The following ZNF391 variants were observed in gnomAD, a reference collection of about 807,000 sequenced individuals.
ZNF391 encodes the protein zinc finger protein 391.
For synonymous variants in ZNF391, 126 were observed against 142.1 expected (o/e 0.89, Z 0.80); for missense variants, 375 against 425.5 (o/e 0.88, Z 1.04).
In ZNF391 at chr6:27,389,063, C is replaced by T. The variant is rs1411253202; in HGVS notation, c.-200C>T. ...CGGCCGGTGAGTGAGGCTTACAGGG[C>T]CCCGGGACCAAGGTGGGTGCTCTTA... is the stretch of plus-strand genomic sequence containing the variant. On this transcript the variant is annotated 5_prime_UTR_variant, in exon 1 of 3. Transcript: ENST00000244576. The T allele has an allele frequency of 2.2e-6, 1 of 456,298 alleles. No individual in the cohort carries two copies. The highest frequency in any genetic ancestry group is 4.4e-6 in the Non-Finnish European group (1 of 226,812). 28.3% of individuals were successfully genotyped at this position (456,298 alleles called of 1,614,324 possible).
At chr6:27,380,429 C>T (rs1186585978) in intron 1 of ZNF391, among the ~76,000 whole-genome samples, 2 of 152,152 alleles carry the variant, frequency 1.3e-5, no homozygotes, top group Non-Finnish European at 2.9e-5. Flanking sequence ...TTCGTGGTCT[C>T]GCTGGCTTCA....
chr6:27,391,696 A>G (rs976311556), intron 1 of ZNF391, among the ~76,000 whole-genome samples: 2 of 152,214 alleles, frequency 1.3e-5, no homozygotes, highest in African/African-American at 4.8e-5. Flanking sequence ...GTGTTTCATC[A>G]TACCAACCAG....
At chr6:27,399,033 G>A (rs9468116) in intron 1 of ZNF391, among the ~76,000 whole-genome samples, 108,075 of 151,802 alleles carry the variant, frequency 0.71, 38,668 homozygotes, top group Middle Eastern at 0.82. Flanking sequence ...TTAGGGGTCA[G>A]AAGATAGTCC....
At chr6:27,400,232 T>C (rs753836226) in intron 2 of ZNF391, 61 bp from the exon 3 acceptor site, 43 of 681,714 alleles carry the variant, frequency 6.3e-5, no homozygotes, top group Non-Finnish European at 9.9e-5. Context: ...TCTCTGCTGG[T>C]TTATTTTCTT....
At chr6:27,390,589 G>T (rs1272627219) in intron 1 of ZNF391, among the ~76,000 whole-genome samples, 3 of 152,082 alleles carry the variant, frequency 2.0e-5, no homozygotes, top group African/African-American at 4.8e-5. Flanking sequence ...TGTCACATCC[G>T]CTAGACTTCC....
At chr6:27,375,855 T>C (rs1467661756) in intron 1 of ZNF391, among the ~76,000 whole-genome samples, 1 of 152,150 alleles carries the variant, frequency 6.6e-6, no homozygotes. Context: ...AGGGATTTAT[T>C]GAAAGTGAAA....
At chr6:27,387,170 T>C (rs6935116), upstream of ZNF391, among the ~76,000 whole-genome samples, 106,998 of 151,890 alleles carry the variant, frequency 0.7, 37,932 homozygotes, top group Middle Eastern at 0.8. Flanking sequence ...ATTATGATGG[T>C]TATAATACTA....
chr6:27,397,922 G>A (rs1163033467), intron 1 of ZNF391, among the ~76,000 whole-genome samples: 26 of 152,258 alleles, frequency 1.7e-4, no homozygotes, highest in Admixed American at 1.6e-3. Flanking sequence ...GAGCCACTGC[G>A]CCCTCCAGCA....
chr6:27,400,009 G>A (rs1761912258), intron 2 of ZNF391, among the ~76,000 whole-genome samples: 2 of 151,908 alleles, frequency 1.3e-5, no homozygotes, highest in South Asian at 4.2e-4. Context: ...CCAACTCTCT[G>A]TCATCAGCTG....
rs1005240689 is a variant in ZNF391, at chr6:27,381,160, G to A, written n.523+6023G>A. 2.0e-5 allele frequency among the ~76,000 whole-genome samples: 3 copies of A among 152,254 alleles called. No individual in the cohort carries two copies. In the East Asian group the frequency reaches 5.8e-4, roughly 29 times the overall value. Reference sequence around the variant, plus strand: ...GGCTTGGGCCGCACAGGAGCCCACGGAGGGGGTGGGAGGCTCAGGCATGGT... The same window carrying A: ...GGCTTGGGCCGCACAGGAGCCCACGAAGGGGGTGGGAGGCTCAGGCATGGT... On this transcript the variant is annotated intron_variant and non_coding_transcript_variant, in intron 1 of 2. Coordinates refer to the ZNF391 transcript ENST00000477999.
chr6:27,389,413 G>A, intron 1 of ZNF391: 1 of 456,364 alleles, frequency 2.2e-6, no homozygotes, highest in Non-Finnish European at 4.4e-6. Context: ...TGCTCCAAGA[G>A]TTTTTACCTG....
At chr6:27,379,648 G>A (rs544723759) in intron 1 of ZNF391, among the ~76,000 whole-genome samples, 1 of 152,164 alleles carries the variant, frequency 6.6e-6, no homozygotes, top group Admixed American at 6.5e-5. Context: ...TTACCTCCAG[G>A]AATTCAGCAA....
Position 27,400,603 on chromosome 6 carries a change from C to T in ZNF391, c.233C>T (p.Pro78Leu). 6.2e-7 allele frequency: 1 copy of T among 1,614,156 alleles called. No homozygotes were observed. Among genetic ancestry groups the T allele is most frequent in the Non-Finnish European group, 8.5e-7 (1 of 1,180,030 alleles). Residue 78 changes from proline (P) to leucine (L), a missense_variant, in exon 3 of 3, where the codon CCA (proline) becomes CTA (leucine). By Grantham distance (98) the Pro-to-Leu change is moderately conservative. Transcript: ENST00000244576. The stretch of plus-strand genomic sequence containing the variant: ...AACCTTGACGCACAACAGAAAATTC[C>T]AAAGGGACATGGATCCCCAATATCT... The part of the protein sequence containing the change: ...SPNLDAQQKI[P>L]KGHGSPISRK...
chr6:27,395,308 C>T (rs2113655419), intron 1 of ZNF391, among the ~76,000 whole-genome samples: 1 of 151,736 alleles, frequency 6.6e-6, no homozygotes, highest in Non-Finnish European at 1.5e-5. Flanking sequence ...TGGCTTGGTG[C>T]TGTCCTTGCA....
At chr6:27,398,492 AAAC>A (rs1761876728) in intron 1 of ZNF391, among the ~76,000 whole-genome samples, 1 of 152,196 alleles carries the variant, frequency 6.6e-6, no homozygotes, top group Non-Finnish European at 1.5e-5. Flanking sequence ...TACAAGTGAA[AAAC>A]AACATTGTCA....
At chr6:27,382,231 G>A (rs1447959026) in intron 1 of ZNF391, among the ~76,000 whole-genome samples, 1 of 151,944 alleles carries the variant, frequency 6.6e-6, no homozygotes, top group East Asian at 1.9e-4. Flanking sequence ...TGCCTAGGAG[G>A]CTGATTTATC....
At chr6:27,378,421 C>T (rs1225909183) in intron 1 of ZNF391, among the ~76,000 whole-genome samples, 1 of 150,214 alleles carries the variant, frequency 6.7e-6, no homozygotes, top group Non-Finnish European at 1.5e-5. Flanking sequence ...AAATTACAGT[C>T]AAAGGGGGAT....
chr6:27,396,249 A>G (rs995110222), intron 1 of ZNF391, among the ~76,000 whole-genome samples: 2 of 152,210 alleles, frequency 1.3e-5, no homozygotes, highest in Non-Finnish European at 2.9e-5. Flanking sequence ...GTGATTTATA[A>G]TCGAATAATA....
upstream of ZNF391, among the ~76,000 whole-genome samples, chr6:27,386,607 A>G (rs1761586212): frequency 6.6e-6 from 1 of 152,190 alleles, no homozygotes; most frequent in Admixed American, 6.5e-5. Context: ...CCTCACATAT[A>G]CGGTTGATTG....
Sources: gnomAD v4.1 joint callset for allele counts (sites outside exome capture counted in the v4.1 genomes callset) on GRCh38, gnomAD v4.1.1 for gene constraint, MANE v1.5 for transcripts, NCBI Gene and HGNC (gene_info 2026-07-23, HGNC 2026-07-21) for gene names.